CRB1: variants seen among roughly 807,000 people sequenced by gnomAD.
The protein encoded by CRB1 is crumbs cell polarity complex component 1, also known as protein crumbs homolog 1.
A neutral mutation model predicts 120.0 loss-of-function variants in CRB1; 83 were observed. The observed-to-expected ratio is 0.69, with a 90% CI of 0.58 to 0.83. CRB1 has a LOEUF of 0.83. CRB1 is among the 40% of genes least tolerant of loss of function. CRB1 has a pLI of 0.00. For synonymous variants in CRB1, 625 were observed against 612.5 expected (o/e 1.02, Z -0.30); for missense variants, 1,699 against 1,687.6 (o/e 1.01, Z -0.12).
intron 1 of CRB1, among the ~76,000 whole-genome samples, chr1:197,312,436 A>T (rs1370582475): frequency 6.6e-6 from 1 of 152,092 alleles, no homozygotes; most frequent in Non-Finnish European, 1.5e-5. Flanking sequence ...CAAACAAAAA[A>T]GCTGGGCGTG....
chr1:197,475,519 T>C (rs1354061368), intron 11 of CRB1, among the ~76,000 whole-genome samples: 1 of 152,150 alleles, frequency 6.6e-6, no homozygotes, highest in Non-Finnish European at 1.5e-5. Flanking sequence ...TCATGACTAA[T>C]AAGATAAACT....
chr1:197,397,705 G>T (rs557318347), intron 5 of CRB1, among the ~76,000 whole-genome samples: 9 of 152,152 alleles, frequency 5.9e-5, no homozygotes, highest in African/African-American at 2.2e-4. Context: ...AAGTAGCAAG[G>T]TTCAAAAGGC....
At chr1:197,233,114 G>A in the CRB1 span, among the ~76,000 whole-genome samples, 3 of 152,016 alleles carry the variant, frequency 2.0e-5, no homozygotes, top group Non-Finnish European at 4.4e-5. Flanking sequence ...TTTTGAAACT[G>A]CATCCCCATG....
chr1:197,335,128 C>T (rs1283774608), intron 2 of CRB1, among the ~76,000 whole-genome samples: 1 of 152,062 alleles, frequency 6.6e-6, no homozygotes, highest in African/African-American at 2.4e-5. Context: ...GATGCAAAGG[C>T]CCTGAGGTAA....
chr1:197,357,282 T>G (rs549494182), intron 5 of CRB1: 189 of 505,948 alleles, frequency 3.7e-4, no homozygotes, highest in Non-Finnish European at 5.8e-4. Flanking sequence ...GCATCTCAAG[T>G]TCTTTACGTT....
In CRB1 at chr1:197,389,205, A is replaced by C. The variant is rs1156594604; in HGVS notation, c.1172-31795A>C. Among the ~76,000 whole-genome samples the C allele has an allele frequency of 2.0e-5, 3 of 152,136 alleles. No individual in the cohort carries two copies. In the East Asian group the frequency reaches 5.8e-4, roughly 29 times the overall value. On this transcript the variant is annotated intron_variant, in intron 5 of 11. Transcript: ENST00000367400. ...CCACATGATTCCACAATTCTGCTGG[A>C]TACACACCTTAAAGAGGGGCAGCAT...
the CRB1 span, among the ~76,000 whole-genome samples, chr1:197,227,446 C>T: frequency 9.6e-5 from 14 of 145,758 alleles, no homozygotes; most frequent in East Asian, 1.0e-3. Context: ...GGCTGGAGTG[C>T]GTGGCACGAA....
chr1:197,351,393 GAAAAGAAAAGAGAAA>G (rs1178549099), intron 4 of CRB1, among the ~76,000 whole-genome samples: 1 of 144,562 alleles, frequency 6.9e-6, no homozygotes, highest in Non-Finnish European at 1.5e-5. Context: ...AAAAGGAGAA[GAAAAGAAAAGAGAAA>G]AAAAGAAAAG....
At chr1:197,458,872 T>TA (rs1198892475) in intron 11 of CRB1, among the ~76,000 whole-genome samples, 2 of 152,166 alleles carry the variant, frequency 1.3e-5, no homozygotes, top group Non-Finnish European at 2.9e-5. Flanking sequence ...TAATTTATGT[T>TA]ACTGAGTAAA....
At chr1:197,416,519 C>T (rs1308517546) in intron 5 of CRB1, among the ~76,000 whole-genome samples, 3 of 151,978 alleles carry the variant, frequency 2.0e-5, no homozygotes, top group African/African-American at 4.8e-5. Flanking sequence ...TCTGAGAGTA[C>T]ATCATAGAGT....
intron 7 of CRB1, 32 bp from the exon 8 acceptor site, chr1:197,429,417 C>A (rs766236602): frequency 6.2e-7 from 1 of 1,612,900 alleles, no homozygotes; most frequent in Admixed American, 1.7e-5. Context: ...GTTGCCAGTG[C>A]TTTTTATACC....
chr1:197,365,477 C>T (rs908534340), intron 5 of CRB1, among the ~76,000 whole-genome samples: 24 of 152,070 alleles, frequency 1.6e-4, no homozygotes, highest in African/African-American at 5.8e-4. Context: ...GCCATGGCCC[C>T]CTTGCCTATG....
At chr1:197,468,317 T>C (rs1666837235) in intron 11 of CRB1, among the ~76,000 whole-genome samples, 1 of 151,852 alleles carries the variant, frequency 6.6e-6, no homozygotes, top group African/African-American at 2.4e-5. Context: ...CCAGGCACTA[T>C]CACTAAACAG....
intron 1 of CRB1, among the ~76,000 whole-genome samples, chr1:197,292,149 A>G (rs1656221001): frequency 6.6e-6 from 1 of 152,106 alleles, no homozygotes; most frequent in Non-Finnish European, 1.5e-5. Flanking sequence ...TGAAAAGATC[A>G]ACAAAATTGA....
At chr1:197,444,878 G>A (rs375308511) in intron 11 of CRB1, 2 of 148,454 alleles carry the variant, frequency 1.3e-5, no homozygotes, top group South Asian at 4.3e-4. Flanking sequence ...ACTATGTCTT[G>A]TATGATAAAA....
the CRB1 span, among the ~76,000 whole-genome samples, chr1:197,209,164 G>A: frequency 1.3e-5 from 2 of 152,150 alleles, no homozygotes; most frequent in African/African-American, 2.4e-5. Context: ...AACTGAGAAA[G>A]CAAGCACAGC....
the CRB1 span, among the ~76,000 whole-genome samples, chr1:197,246,540 A>G: frequency 1.3e-5 from 2 of 151,978 alleles, no homozygotes; most frequent in African/African-American, 2.4e-5. Context: ...GAGTCTCCTT[A>G]TATTTATTGC....
the CRB1 span, among the ~76,000 whole-genome samples, chr1:197,254,075 C>T: frequency 6.6e-6 from 1 of 152,050 alleles, no homozygotes; most frequent in African/African-American, 2.4e-5. Context: ...CTAATTCATA[C>T]ATCTCTTCTC....
chr1:197,357,562 T>C (rs1211316498), intron 5 of CRB1: 1 of 167,172 alleles, frequency 6.0e-6, no homozygotes, highest in East Asian at 1.6e-4. Flanking sequence ...TATTGTCTGC[T>C]TTCTGTTCTG....
Sources: gnomAD v4.1 joint callset for allele counts (sites outside exome capture counted in the v4.1 genomes callset) on GRCh38, gnomAD v4.1.1 for gene constraint, MANE v1.5 for transcripts, NCBI Gene and HGNC (gene_info 2026-07-23, HGNC 2026-07-21) for gene names.